Variants in GRIN2A observed in about 807,000 individuals in gnomAD.
GRIN2A encodes the protein glutamate ionotropic receptor NMDA type subunit 2A, also known as glutamate receptor ionotropic, NMDA 2A.
Under a neutral mutation model 113.4 loss-of-function variants are expected in GRIN2A, and 22 were observed. The observed-to-expected ratio is 0.19, with a 90% CI of 0.14 to 0.28. The LOEUF (loss-of-function observed/expected upper bound fraction) is 0.28, where lower values mean the gene tolerates loss of function less well. Among genes scored for constraint, GRIN2A ranks in the 10% least tolerant of loss-of-function variants. The pLI, the probability that GRIN2A is intolerant of heterozygous loss-of-function variation, is 1.00. For missense variants in GRIN2A, 1,502 were observed against 1,887.0 expected, an observed-to-expected ratio of 0.80 and a Z score of 3.78; for synonymous variants, 827 against 738.4, an observed-to-expected ratio of 1.12 and a Z score of -1.94.
intron 4 of GRIN2A, among the ~76,000 whole-genome samples, chr16:9,859,156 CT>C (rs974246755): frequency 2.0e-5 from 3 of 152,086 alleles, no homozygotes; most frequent in African/African-American, 7.2e-5. Context: ...CTTTTTCTCA[CT>C]TTCTCTCTCT....
chr16:10,029,296 G>A lies in GRIN2A; in HGVS notation c.415-90745C>T, dbSNP rs193119537. Among the ~76,000 whole-genome samples, 230 of 152,178 alleles carry A rather than the reference G, an allele frequency of 1.5e-3. 3 individuals are homozygous for A. Among genetic ancestry groups the A allele is most frequent in the African/African-American group, 5.4e-3 (225 of 41,532 alleles). On this transcript the variant is annotated intron_variant, in intron 2 of 12. Coordinates refer to ENST00000330684, the MANE Select transcript of GRIN2A (RefSeq NM_001134407.3). ...CGCAACCTCCGCCTTCCAGGTTCAA[G>A]GGATTCTCCTGCCTCAGCCTCCCAA...
At chr16:9,921,985 T>C (rs564003870) in intron 3 of GRIN2A, among the ~76,000 whole-genome samples, 1 of 152,112 alleles carries the variant, frequency 6.6e-6, no homozygotes, top group Non-Finnish European at 1.5e-5. Flanking sequence ...TTACAACTAA[T>C]AATATATTTT....
intron 2 of GRIN2A, among the ~76,000 whole-genome samples, chr16:10,059,100 G>A (rs8050280): frequency 0.039 from 5,950 of 152,164 alleles, 418 homozygotes; most frequent in African/African-American, 0.14. Flanking sequence ...AAGAACAGGA[G>A]GACAGTCCAT....
chr16:10,111,702 C>T (rs1470704563), intron 2 of GRIN2A: 1 of 1,559,944 alleles, frequency 6.4e-7, no homozygotes, highest in East Asian at 2.2e-5. Context: ...TGCATAAGGT[C>T]AAGAAGTTTG....
chr16:9,840,868 G>A (rs2042664345), intron 6 of GRIN2A, 68 bp from the exon 7 acceptor site: 2 of 1,594,826 alleles, frequency 1.3e-6, no homozygotes, highest in Non-Finnish European at 1.7e-6. Flanking sequence ...TACTTTTCCT[G>A]CTAACATTCC....
intron 2 of GRIN2A, chr16:10,111,315 A>AGCAGCAGCG (rs1487778903): frequency 1.0e-5 from 4 of 384,024 alleles, no homozygotes; most frequent in Admixed American, 3.7e-5. Context: ...CCACAGCGTC[A>AGCAGCAGCG]GCAGCAGCGG....
intron 2 of GRIN2A, among the ~76,000 whole-genome samples, chr16:10,093,049 A>C (rs996422230): frequency 6.6e-6 from 1 of 152,028 alleles, no homozygotes; most frequent in Admixed American, 6.6e-5. Context: ...CATGTTGGCC[A>C]GGCTGGCCTC....
At chr16:9,987,178 C>T (rs1243910821) in intron 2 of GRIN2A, among the ~76,000 whole-genome samples, 1 of 152,204 alleles carries the variant, frequency 6.6e-6, no homozygotes, top group Non-Finnish European at 1.5e-5. Flanking sequence ...GTCCCTGCAA[C>T]CAGATTACTA....
chr16:10,043,130 G>A (rs145467337), intron 2 of GRIN2A, among the ~76,000 whole-genome samples: 71 of 152,278 alleles, frequency 4.7e-4, no homozygotes, highest in Non-Finnish European at 7.9e-4. Context: ...TTTACATTTG[G>A]TAGTATCTTA....
At chr16:9,784,438 A>C (rs1486346966) in intron 11 of GRIN2A, among the ~76,000 whole-genome samples, 1 of 140,436 alleles carries the variant, frequency 7.1e-6, no homozygotes, top group South Asian at 2.1e-4. Flanking sequence ...CAACAACAAC[A>C]ACCAAAAAAA....
chr16:9,891,338 A>G (rs1389596983), intron 3 of GRIN2A, among the ~76,000 whole-genome samples: 1 of 152,240 alleles, frequency 6.6e-6, no homozygotes, highest in Non-Finnish European at 1.5e-5. Flanking sequence ...TGCCAGATTC[A>G]TAGACCTATA....
At chr16:9,833,999 G>A (rs2042543719) in intron 8 of GRIN2A, 106 bp downstream of exon 8, 6 of 1,140,306 alleles carry the variant, frequency 5.3e-6, no homozygotes, top group Non-Finnish European at 8.0e-6. Flanking sequence ...TTACAGGCGT[G>A]AGCCACCATG....
At chr16:10,028,392 G>C (rs2046861279) in intron 2 of GRIN2A, among the ~76,000 whole-genome samples, 1 of 152,200 alleles carries the variant, frequency 6.6e-6, no homozygotes, top group South Asian at 2.1e-4. Context: ...CTGTCGCTGG[G>C]AGGCAGCTGC....
At chr16:10,039,785 G>GGGAGAGGGAGGGGGAGA (rs1444247762) in intron 2 of GRIN2A, among the ~76,000 whole-genome samples, 1,473 of 75,864 alleles carry the variant, frequency 0.019, 80 homozygotes, top group African/African-American at 0.054. Flanking sequence ...GGAGGGGGAG[G>GGGAGAGGGAGGGGGAGA]GGGAGGGGGA....
rs139178978 is a variant in GRIN2A, at chr16:10,053,548, T to C, written c.415-114997A>G. On this transcript the variant is annotated intron_variant, in intron 2 of 12. Coordinates refer to ENST00000330684, the MANE Select transcript of GRIN2A (RefSeq NM_001134407.3). ...GTGACGAATGAAGCAGAGTCACTGG[T>C]ATCTTTTGAGCAGGTGGTGACAAGT... 8.7e-3 allele frequency among the ~76,000 whole-genome samples: 1,319 copies of C among 152,312 alleles called. 11 individuals carry two copies. The highest frequency in any genetic ancestry group is 0.013 in the South Asian group (62 of 4,828).
chr16:9,784,441 C>CAAAAA (rs71400493), intron 11 of GRIN2A, among the ~76,000 whole-genome samples: 4,117 of 126,010 alleles, frequency 0.033, 120 homozygotes, highest in African/African-American at 0.071. Context: ...CAACAACAAC[C>CAAAAA]AAAAAAAAAA....
At chr16:9,828,960 G>A (rs1050912914) in intron 9 of GRIN2A, among the ~76,000 whole-genome samples, 1 of 152,214 alleles carries the variant, frequency 6.6e-6, no homozygotes, top group Admixed American at 6.5e-5. Flanking sequence ...GGAGCTGTCA[G>A]ATAATTTTGT....
At chr16:10,089,263 CA>C in intron 2 of GRIN2A, among the ~76,000 whole-genome samples, 1 of 152,206 alleles carries the variant, frequency 6.6e-6, no homozygotes, top group Non-Finnish European at 1.5e-5. Flanking sequence ...ACATTAATCA[CA>C]TACCCTGGAG....
chr16:10,095,287 G>C (rs1043861782), intron 2 of GRIN2A, among the ~76,000 whole-genome samples: 6 of 152,128 alleles, frequency 3.9e-5, no homozygotes, highest in Non-Finnish European at 8.8e-5. Flanking sequence ...ATGATATTTT[G>C]TCATGGAAGC....
Sources: allele counts gnomAD v4.1 joint callset (sites outside exome capture counted in the v4.1 genomes callset), GRCh38; gene constraint gnomAD v4.1.1; transcripts MANE v1.5; gene names NCBI Gene and HGNC (gene_info 2026-07-23, HGNC 2026-07-21).